BRD10: variants seen among roughly 807,000 people sequenced by gnomAD.
BRD10 encodes the protein bromodomain containing 10.
chr9:6,008,430 T>G, the BRD10 span, among the ~76,000 whole-genome samples: 1 of 151,280 alleles, frequency 6.6e-6, no homozygotes, highest in Admixed American at 6.6e-5. Context: ...TGGGAAGAGC[T>G]GTGGAGAGAA....
At chr9:5,973,029 T>C in the BRD10 span, among the ~76,000 whole-genome samples, 1 of 152,074 alleles carries the variant, frequency 6.6e-6, no homozygotes, top group Admixed American at 6.5e-5. Context: ...GTGCTTCCAG[T>C]GGAAGAACAG....
At chr9:5,984,284 G>C in the BRD10 span, among the ~76,000 whole-genome samples, 1 of 152,062 alleles carries the variant, frequency 6.6e-6, no homozygotes, top group South Asian at 2.1e-4. Flanking sequence ...TGTATTGGGG[G>C]TTTAAAACAC....
At chr9:5,921,712 G>C in the BRD10 span, 1 of 1,613,884 alleles carries the variant, frequency 6.2e-7, no homozygotes. Context: ...TATTTGCATT[G>C]TTTTGTCCAA....
At chr9:5,920,335 A>G in the BRD10 span, 2 of 1,613,980 alleles carry the variant, frequency 1.2e-6, no homozygotes, top group South Asian at 1.1e-5. Flanking sequence ...TAATCTGAGT[A>G]CCAGGTGCCA....
the BRD10 span, among the ~76,000 whole-genome samples, chr9:6,006,805 A>C: frequency 2.3e-4 from 35 of 152,204 alleles, no homozygotes; most frequent in Non-Finnish European, 4.4e-4. Context: ...TTTTCTAGAG[A>C]TATTTCATCC....
the BRD10 span, among the ~76,000 whole-genome samples, chr9:5,899,526 A>T: frequency 2.6e-5 from 4 of 152,172 alleles, no homozygotes; most frequent in Non-Finnish European, 5.9e-5. Context: ...GGAGTTGATG[A>T]ATCTGAACAA....
At chr9:5,923,392 A>G in the BRD10 span, 3 of 1,047,184 alleles carry the variant, frequency 2.9e-6, no homozygotes, top group East Asian at 4.9e-5. Context: ...AAGAAAGTCA[A>G]TCTTTGAGCT....
At chr9:5,968,518 A>G in the BRD10 span, 1 of 1,612,808 alleles carries the variant, frequency 6.2e-7, no homozygotes, top group Non-Finnish European at 8.5e-7. Flanking sequence ...TGCGAATTCT[A>G]ATTTCATAGT....
At chr9:5,924,770 G>C in the BRD10 span, 1 of 1,604,126 alleles carries the variant, frequency 6.2e-7, no homozygotes, top group Non-Finnish European at 8.5e-7. Flanking sequence ...CTTCATCAGT[G>C]GTCCATAGTT....
the BRD10 span, among the ~76,000 whole-genome samples, chr9:5,931,377 G>A: frequency 6.6e-6 from 1 of 152,128 alleles, no homozygotes; most frequent in East Asian, 1.9e-4. Context: ...ATTAATTTTT[G>A]TAGAAAAGTT....
chr9:5,967,694 G>A, the BRD10 span, among the ~76,000 whole-genome samples: 247 of 123,660 alleles, frequency 2.0e-3, no homozygotes, highest in Middle Eastern at 4.0e-3. Flanking sequence ...CCCTTAGCCT[G>A]AAAAAAAAAA....
the BRD10 span, chr9:5,922,365 C>G: frequency 5.0e-6 from 8 of 1,613,966 alleles, no homozygotes; most frequent in South Asian, 7.7e-5. Flanking sequence ...GCATTCTTGG[C>G]TTTTCCTGCC....
the BRD10 span, chr9:5,969,574 C>T: frequency 9.2e-6 from 6 of 654,132 alleles, no homozygotes; most frequent in African/African-American, 3.7e-5. Flanking sequence ...GACAGAGTCT[C>T]GCTCTGTCCC....
At chr9:5,903,218 G>C in the BRD10 span, among the ~76,000 whole-genome samples, 2 of 152,030 alleles carry the variant, frequency 1.3e-5, no homozygotes, top group African/African-American at 2.4e-5. Flanking sequence ...TTTTAAATTT[G>C]TTAAGATGTG....
the BRD10 span, chr9:5,920,413 A>G: frequency 7.4e-6 from 12 of 1,613,824 alleles, no homozygotes; most frequent in African/African-American, 1.6e-4. Context: ...TCCCGACTAG[A>G]CTAGTTACAT....
At chr9:5,978,199 G>A in the BRD10 span, among the ~76,000 whole-genome samples, 4 of 151,962 alleles carry the variant, frequency 2.6e-5, no homozygotes, top group African/African-American at 9.7e-5. Flanking sequence ...AATACTAATA[G>A]AAGCTGTGCC....
the BRD10 span, chr9:5,923,051 G>A: frequency 6.2e-7 from 1 of 1,613,958 alleles, no homozygotes; most frequent in Non-Finnish European, 8.5e-7. Context: ...TGGAAATGAT[G>A]GCTCTGTATG....
At chr9:5,879,905 G>A in the BRD10 span, among the ~76,000 whole-genome samples, 31 of 152,198 alleles carry the variant, frequency 2.0e-4, no homozygotes, top group East Asian at 5.8e-3. Context: ...AATGTAACAA[G>A]ACAAAAATGC....
At chr9:5,919,109 T>C in the BRD10 span, 2 of 152,644 alleles carry the variant, frequency 1.3e-5, no homozygotes, top group East Asian at 1.9e-4. Flanking sequence ...CTTAAAAAAC[T>C]ATACATTATG....
Sources: gnomAD v4.1 joint callset for allele counts (sites outside exome capture counted in the v4.1 genomes callset) on GRCh38, gnomAD v4.1.1 for gene constraint, MANE v1.5 for transcripts, NCBI Gene and HGNC (gene_info 2026-07-23, HGNC 2026-07-21) for gene names.